Variants in RSRC1 observed in about 807,000 individuals in gnomAD.
RSRC1 encodes serine/Arginine-related protein 53.
In RSRC1, 39 loss-of-function variants were observed where a neutral mutation model predicts 49.1. The observed-to-expected ratio is 0.79, with a 90% CI of 0.61 to 1.04. The LOEUF (loss-of-function observed/expected upper bound fraction) is 1.04. Ranked by LOEUF, RSRC1 falls within the 50% of genes least tolerant of loss-of-function variation. The pLI is 0.00. For missense variants in RSRC1, 388 were observed against 402.4 expected, an observed-to-expected ratio of 0.96 and a Z score of 0.31; for synonymous variants, 143 against 130.8, an observed-to-expected ratio of 1.09 and a Z score of -0.63.
At position 158,239,658 on chromosome 3, in the gene RSRC1, GCAC is replaced by G. The variant is rs1487004256; in HGVS notation, c.494+36414_494+36416del. Among the ~76,000 whole-genome samples the G allele has an allele frequency of 1.1e-4, 17 of 152,090 alleles. No individual in the cohort carries two copies. The South Asian group carries it at 2.9e-3, about 26-fold the overall frequency. On this transcript the variant is annotated intron_variant, in intron 4 of 9. Coordinates refer to ENST00000611884, the MANE Select transcript of RSRC1 (RefSeq NM_001271838.2). ...TTAATGGGTACAGCAAACCAACATGGCACATGTATGCCTGTGTAACAAACCTGC... is the reference window on the plus strand; with the variant it reads ...TTAATGGGTACAGCAAACCAACATGGATGTATGCCTGTGTAACAAACCTGC...
At chr3:158,260,608 C>G (rs1367215876) in intron 4 of RSRC1, among the ~76,000 whole-genome samples, 1 of 152,218 alleles carries the variant, frequency 6.6e-6, no homozygotes, top group Non-Finnish European at 1.5e-5. Context: ...TACTCTGGCT[C>G]TGAGCCAAGC....
intron 7 of RSRC1, among the ~76,000 whole-genome samples, chr3:158,536,633 T>C (rs1376131130): frequency 6.6e-6 from 1 of 151,450 alleles, no homozygotes; most frequent in Non-Finnish European, 1.5e-5. Context: ...CTAAAATATT[T>C]AGGGATAAAA....
chr3:158,532,480 ACT>A (rs1214727204), intron 7 of RSRC1, among the ~76,000 whole-genome samples: 1 of 151,858 alleles, frequency 6.6e-6, no homozygotes, highest in Admixed American at 6.6e-5. Context: ...TTAAAAGAAA[ACT>A]CTGTGTTATA....
chr3:158,419,046 A>G (rs908879055), intron 6 of RSRC1, among the ~76,000 whole-genome samples: 8 of 151,990 alleles, frequency 5.3e-5, no homozygotes, highest in Non-Finnish European at 8.8e-5. Flanking sequence ...ATGGTTTACT[A>G]TAAGTACCTC....
intron 7 of RSRC1, among the ~76,000 whole-genome samples, chr3:158,532,574 AT>A (rs1712467470): frequency 6.6e-6 from 1 of 151,852 alleles, no homozygotes; most frequent in South Asian, 2.1e-4. Context: ...AACTAATACA[AT>A]TTTTTAAAAA....
intron 5 of RSRC1, among the ~76,000 whole-genome samples, chr3:158,301,973 G>T (rs374905069): frequency 4.5e-4 from 42 of 93,148 alleles, no homozygotes; most frequent in African/African-American, 1.7e-3. Context: ...TTGTTTTTTT[G>T]TTTTTTGGGG....
At chr3:158,258,686 G>T (rs970875150) in intron 4 of RSRC1, among the ~76,000 whole-genome samples, 2 of 151,946 alleles carry the variant, frequency 1.3e-5, no homozygotes, top group African/African-American at 4.8e-5. Flanking sequence ...GCTTAGATTT[G>T]CCCTTTTGGG....
chr3:158,447,966 A>G (rs16828986), intron 6 of RSRC1, among the ~76,000 whole-genome samples: 10,926 of 151,918 alleles, frequency 0.072, 461 homozygotes, highest in South Asian at 0.13. Flanking sequence ...ACATTGATAG[A>G]ATGTTTGGAG....
chr3:158,437,386 A>T (rs949031707), intron 6 of RSRC1, among the ~76,000 whole-genome samples: 17 of 152,060 alleles, frequency 1.1e-4, no homozygotes, highest in Admixed American at 2.6e-4. Context: ...AATGTGAATA[A>T]GAAACAAATA....
chr3:158,368,834 C>A (rs1195838896), intron 6 of RSRC1, among the ~76,000 whole-genome samples: 3 of 151,932 alleles, frequency 2.0e-5, no homozygotes, highest in Non-Finnish European at 4.4e-5. Flanking sequence ...TGATAGTCAA[C>A]CTTTTCTTAT....
At position 158,516,828 on chromosome 3, in the gene RSRC1, T is replaced by C. The variant is rs371387426; in HGVS notation, c.653-20264T>C. 2.6e-4 allele frequency among the ~76,000 whole-genome samples: 40 copies of C among 152,312 alleles called. No homozygotes were observed. In the East Asian group the frequency reaches 4.2e-3, roughly 16 times the overall value. On this transcript the variant is annotated intron_variant, in intron 7 of 9. Coordinates refer to ENST00000611884, the MANE Select transcript of RSRC1 (RefSeq NM_001271838.2). ...CTATTTTTTAAGCCCGTCGGAAAAG[T>C]GCGGTATTCAGGTGGGAGTGACCCG...
chr3:158,476,603 C>G (rs888330312), intron 7 of RSRC1, among the ~76,000 whole-genome samples: 2 of 152,136 alleles, frequency 1.3e-5, no homozygotes, highest in Non-Finnish European at 2.9e-5. Context: ...GACAACACAT[C>G]TGTTTATAGC....
intron 6 of RSRC1, among the ~76,000 whole-genome samples, chr3:158,457,069 C>G (rs186065531): frequency 6.5e-4 from 99 of 152,186 alleles, no homozygotes; most frequent in Admixed American, 1.1e-3. Flanking sequence ...AAATACTGTG[C>G]TTACTGCTAA....
At chr3:158,510,917 T>A (rs1028751810) in intron 7 of RSRC1, among the ~76,000 whole-genome samples, 9 of 152,208 alleles carry the variant, frequency 5.9e-5, no homozygotes, top group African/African-American at 2.2e-4. Context: ...ATTGACCAAC[T>A]ACAATGGTGA....
chr3:158,440,991 G>A (rs1305265865), intron 6 of RSRC1, among the ~76,000 whole-genome samples: 5 of 152,016 alleles, frequency 3.3e-5, no homozygotes, highest in African/African-American at 7.3e-5. Flanking sequence ...TCACTTTCAG[G>A]TGTTTGAAGT....
intron 3 of RSRC1, among the ~76,000 whole-genome samples, chr3:158,128,956 T>C (rs577664965): frequency 6.6e-6 from 1 of 152,312 alleles, no homozygotes; most frequent in East Asian, 1.9e-4. Context: ...GTACTTTTTA[T>C]TGCATCATAT....
intron 5 of RSRC1, among the ~76,000 whole-genome samples, chr3:158,325,123 T>C (rs1019540829): frequency 5.9e-5 from 9 of 152,260 alleles, no homozygotes; most frequent in South Asian, 2.1e-4. Flanking sequence ...AGATTCTGGA[T>C]ATTAGCCCTT....
chr3:158,434,940 C>T (rs1185029123), intron 6 of RSRC1, among the ~76,000 whole-genome samples: 1 of 151,786 alleles, frequency 6.6e-6, no homozygotes, highest in Non-Finnish European at 1.5e-5. Flanking sequence ...ATTCAAAGTA[C>T]TGAAAAGAGA....
chr3:158,386,013 T>C (rs1003894270), intron 6 of RSRC1, among the ~76,000 whole-genome samples: 17 of 152,146 alleles, frequency 1.1e-4, no homozygotes, highest in Admixed American at 7.2e-4. Context: ...TAGATTATAA[T>C]AATTTTTTGA....
Sources: allele counts gnomAD v4.1 joint callset (sites outside exome capture counted in the v4.1 genomes callset), GRCh38; gene constraint gnomAD v4.1.1; transcripts MANE v1.5; gene names NCBI Gene and HGNC (gene_info 2026-07-23, HGNC 2026-07-21).